Variants in DOT1L observed in about 807,000 individuals in gnomAD.
The protein encoded by DOT1L is histone-lysine N-methyltransferase, H3 lysine-79 specific.
A neutral mutation model predicts 153.3 loss-of-function variants in DOT1L; 33 were observed. That is an observed-to-expected ratio of 0.22 (90% CI 0.16 to 0.29). DOT1L has a LOEUF of 0.29. Ranked by LOEUF, DOT1L falls within the 10% of genes least tolerant of loss-of-function variation. The pLI is 1.00. For missense variants in DOT1L, 1,847 were observed against 2,119.9 expected (o/e 0.87, Z 2.53); for synonymous variants, 1,135 against 965.1 (o/e 1.18, Z -3.26).
In DOT1L at chr19:2,211,759, A is replaced by C. The variant is rs977689757; in HGVS notation, c.1474A>C (p.Lys492Gln). The C allele has an allele frequency of 2.6e-6, 4 of 1,563,728 alleles. No homozygotes were observed. The highest frequency in any genetic ancestry group is 3.5e-6 in the Non-Finnish European group (4 of 1,153,322). Residue 492 changes from lysine to glutamine, a missense_variant, in exon 16 of 28, where the codon AAG becomes CAG. Lys to Gln is a moderately conservative substitution (Grantham distance 53). Around this residue, in one of 8 missense-constraint regions of DOT1L, gnomAD observed 156 missense variants for 235.7 expected, o/e 0.66. Coordinates refer to ENST00000398665, the MANE Select transcript of DOT1L (RefSeq NM_032482.3). ...TCCGCCTCTCTTCCCAGAGTCCTTC[A>C]AGATCCAGTACCTGCAGTTCCTGGC... is the stretch of plus-strand genomic sequence containing the variant. Reference protein sequence around the residue: ...PALQKLLESFKIQYLQFLAYT... With the variant: ...PALQKLLESFQIQYLQFLAYT...
intron 9 of DOT1L, among the ~76,000 whole-genome samples, chr19:2,205,128 A>G (rs912178026): frequency 4.6e-5 from 7 of 151,732 alleles, no homozygotes; most frequent in African/African-American, 1.7e-4. Flanking sequence ...CCGCCACCAC[A>G]CCTGGCTAAT....
chr19:2,169,943 G>T (rs1011943806), intron 1 of DOT1L, among the ~76,000 whole-genome samples: 9 of 152,280 alleles, frequency 5.9e-5, no homozygotes, highest in African/African-American at 1.4e-4. Flanking sequence ...GATCACCTGC[G>T]GTCAGGAGTT....
In DOT1L at chr19:2,211,133, G is replaced by T. The variant is rs1339722779; in HGVS notation, c.1386G>T (p.Gln462His). Residue 462 changes from glutamine (Q) to histidine (H), a missense_variant, in exon 15 of 28, where the codon CAG becomes CAT. Around this residue, in one of 8 missense-constraint regions of DOT1L, gnomAD observed 205 missense variants for 203.1 expected, o/e 1.01. Coordinates refer to ENST00000398665, the MANE Select transcript of DOT1L (RefSeq NM_032482.3). ...GATCCCCTCACAGCCCGTTCTACCA[G>T]CTACCTCCGAGCGTGCAGCGGCACT... ...AYRSPHSPFY[Q>H]LPPSVQRHSP... 1 of 1,613,104 alleles carries T rather than the reference G, an allele frequency of 6.2e-7. No individual in the cohort carries two copies. The highest frequency in any genetic ancestry group is 8.5e-7 in the Non-Finnish European group (1 of 1,179,808).
rs2144924753 is a variant in DOT1L, at chr19:2,225,505, G to A, written c.3661+53G>A. The stretch of plus-strand genomic sequence containing the variant: ...CCAGGCCTGTCCGTGTGGCCGTGGT[G>A]CCCAGTCAGTGCTGCTGACCCACCT... On this transcript the variant is annotated intron_variant, in intron 26 of 27. Transcript: ENST00000398665. 1.9e-6 allele frequency: 3 copies of A among 1,586,974 alleles called. No homozygotes were observed. In the South Asian group the frequency reaches 3.3e-5, roughly 18 times the overall value.
intron 27 of DOT1L, 45 bp downstream of exon 27, chr19:2,227,172 C>T (rs745728104): frequency 1.1e-4 from 169 of 1,580,612 alleles, no homozygotes; most frequent in Non-Finnish European, 1.3e-4. Flanking sequence ...CGGCCCCCGC[C>T]GGAGGCCCCT....
chr19:2,164,165 C>G lies in DOT1L; in HGVS notation c.-20C>G. The G allele has an allele frequency of 1.8e-6, 2 of 1,108,250 alleles. No homozygotes were observed. The highest frequency in any genetic ancestry group is 1.1e-6 in the Non-Finnish European group (1 of 909,026). 68.7% of individuals were successfully genotyped at this position (1,108,250 alleles called of 1,614,324 possible). A position where few individuals can be genotyped will look rare whatever the true frequency, so the allele number is the denominator to read the frequency against. On this transcript the variant is annotated 5_prime_UTR_variant, in exon 1 of 28. Transcript: ENST00000398665. ...CCCCAACCGCCCGCCTAGCATGGTGCGGCGGCCGCGCGCGCGGACATGGGG... is the reference window on the plus strand; with the variant it reads ...CCCCAACCGCCCGCCTAGCATGGTGGGGCGGCCGCGCGCGCGGACATGGGG...
Position 2,226,427 on chromosome 19 carries a change from G to T in DOT1L, c.3906G>T (p.Gly1302=), listed in dbSNP as rs756728954. Residue 1302 remains glycine, a synonymous_variant, in exon 27 of 28, where the codon GGG becomes GGT. Transcript: ENST00000398665. ...PRKGFPGSLS[G]ADGLSPGTNP... is the part of the protein sequence containing the mutation. The stretch of plus-strand genomic sequence containing the variant: ...AAGGCTTTCCCGGCTCCCTGTCGGG[G>T]GCTGACGGACTCAGCCCGGGCACCA... 2.5e-6 allele frequency: 4 copies of T among 1,601,024 alleles called. No homozygotes were observed. The Admixed American group carries it at 5.0e-5, about 20-fold the overall frequency.
intron 1 of DOT1L, among the ~76,000 whole-genome samples, chr19:2,173,369 A>G (rs2021748770): frequency 6.6e-6 from 1 of 152,086 alleles, no homozygotes; most frequent in African/African-American, 2.4e-5. Flanking sequence ...TTGCTGCTGG[A>G]AAAAGAGGGT....
At position 2,220,902 on chromosome 19, in the gene DOT1L, G is replaced by A. The variant is rs193192116; in HGVS notation, c.2806+680G>A. 3.8e-4 allele frequency: 103 copies of A among 271,608 alleles called. 3 individuals are homozygous for A. The highest frequency in any genetic ancestry group is 1.4e-3 in the South Asian group (38 of 28,018). The allele number at this position is 271,608 out of a possible 1,614,324, so 16.8% of individuals were successfully genotyped here. ...AGTAAAAAGTAAAATGTGGCCGGGC[G>A]TGGTGGCTCATGCCTGTAATCCCAG... On this transcript the variant is annotated intron_variant, in intron 23 of 27. Coordinates refer to ENST00000398665, the MANE Select transcript of DOT1L (RefSeq NM_032482.3). This position sits in a 1 kb window ranked among gnomAD's most constrained non-coding sequence, Gnocchi z 4.5.
At chr19:2,215,721 G>A (rs1156231927) in intron 19 of DOT1L, 1 of 152,450 alleles carries the variant, frequency 6.6e-6, no homozygotes, top group African/African-American at 2.4e-5. Context: ...TAGAGAAACG[G>A]AGGTCGCCGA....
Position 2,194,500 on chromosome 19 carries a change from T to C in DOT1L, c.589-15T>C. The C allele has an allele frequency of 6.2e-7, 1 of 1,613,882 alleles. No homozygotes were observed. ...CTGAGAGTTTGTAACGGGCGTTTGGTTTCTTTCCTTCCAGACCATGGACCG... is the reference window on the plus strand; with the variant it reads ...CTGAGAGTTTGTAACGGGCGTTTGGCTTCTTTCCTTCCAGACCATGGACCG... On this transcript the variant is annotated splice_polypyrimidine_tract_variant and intron_variant, in intron 6 of 27. Transcript: ENST00000398665.
At chr19:2,215,042 T>A (rs943569974) in intron 19 of DOT1L, among the ~76,000 whole-genome samples, 2 of 151,970 alleles carry the variant, frequency 1.3e-5, no homozygotes, top group South Asian at 2.1e-4. Flanking sequence ...ACAGTGGGAC[T>A]CTGTCTCTAG....
At position 2,229,739 on chromosome 19, in the gene DOT1L, C is replaced by T. The variant is rs1006114596; in HGVS notation, c.4607-46C>T. ...TGGGTGAGTGTTGGGCTCCCCCAGG[C>T]GCGATGGTAACCTCAGGCCGCTCTT... On this transcript the variant is annotated intron_variant, in intron 27 of 27. Transcript: ENST00000398665. 8.7e-6 allele frequency: 14 copies of T among 1,612,174 alleles called. No homozygotes were observed. The East Asian group carries it at 8.9e-5, about 10-fold the overall frequency.
intron 7 of DOT1L, among the ~76,000 whole-genome samples, 180 bp downstream of exon 7, chr19:2,194,757 C>T (rs373668551): frequency 6.6e-6 from 1 of 152,172 alleles, no homozygotes; most frequent in Non-Finnish European, 1.5e-5. Flanking sequence ...CGGCAGCAGG[C>T]GCCTCTGTTG....
Position 2,231,942 on chromosome 19 carries a change from T to C in DOT1L, c.*2150T>C, listed in dbSNP as rs1188823691. Reference sequence around the variant, plus strand: ...AAGTCTCCTTGAGCCCACTGGGTCATATGCGTGTCACCACACGTGAACTAG... The same window carrying C: ...AAGTCTCCTTGAGCCCACTGGGTCACATGCGTGTCACCACACGTGAACTAG... On this transcript the variant is annotated 3_prime_UTR_variant, in exon 28 of 28. Transcript: ENST00000398665. 4.7e-6 allele frequency: 1 copy of C among 213,756 alleles called. No homozygotes were observed. Among genetic ancestry groups the C allele is most frequent in the East Asian group, 6.9e-5 (1 of 14,432 alleles). 13.2% of individuals were successfully genotyped at this position (213,756 alleles called of 1,614,324 possible).
At chr19:2,228,777 C>T in intron 27 of DOT1L, 1 of 985,406 alleles carries the variant, frequency 1.0e-6, no homozygotes, top group South Asian at 4.7e-5. Context: ...GGTGGCGTGG[C>T]TTGGTGCTGT....
Position 2,226,735 on chromosome 19 carries a change from T to G in DOT1L, c.4214T>G (p.Leu1405Arg), listed in dbSNP as rs1378381823. ...TGCGGGCCCACGGACAAGACCCCAC[T>G]GCTGAGCGGCAAGGCCGCCAAGGCC... ...PLCGPTDKTP[L>R]LSGKAAKARD... is the part of the protein sequence containing the mutation. Residue 1405 changes from leucine to arginine, a missense_variant, in exon 27 of 28, where the codon CTG becomes CGG. Coordinates refer to ENST00000398665, the MANE Select transcript of DOT1L (RefSeq NM_032482.3). 1 of 1,557,862 alleles carries G rather than the reference T, an allele frequency of 6.4e-7. No homozygotes were observed. The highest frequency in any genetic ancestry group is 1.4e-5 in the African/African-American group (1 of 72,980).
At chr19:2,184,745 C>G (rs2022412476) in intron 2 of DOT1L, among the ~76,000 whole-genome samples, 1 of 152,190 alleles carries the variant, frequency 6.6e-6, no homozygotes, top group African/African-American at 2.4e-5. Flanking sequence ...CCGTACTCGC[C>G]CACACGGGGC....
chr19:2,179,235 G>A (rs919775647), intron 1 of DOT1L, among the ~76,000 whole-genome samples: 3 of 152,234 alleles, frequency 2.0e-5, no homozygotes, highest in East Asian at 1.9e-4. Flanking sequence ...GGCCTTGGGA[G>A]GCTCGTGGCG....
Sources: gnomAD v4.1 joint callset for allele counts (sites outside exome capture counted in the v4.1 genomes callset) on GRCh38, gnomAD v4.1.1 for gene constraint, gnomAD v4.1.1 regional missense constraint, Gnocchi (gnomAD v3.1) non-coding constraint, MANE v1.5 for transcripts, NCBI Gene and HGNC (gene_info 2026-07-23, HGNC 2026-07-21) for gene names.